CNTNAP2: variants seen among roughly 807,000 people sequenced by gnomAD.
The protein encoded by CNTNAP2 is contactin associated protein 2.
Under a neutral mutation model 155.2 loss-of-function variants are expected in CNTNAP2, and 98 were observed. The observed-to-expected ratio is 0.63, with a 90% CI of 0.54 to 0.75. The LOEUF (loss-of-function observed/expected upper bound fraction) is 0.75, where lower values mean the gene tolerates loss of function less well. CNTNAP2 is among the 30% of genes least tolerant of loss of function. CNTNAP2 has a pLI of 0.00. For missense variants in CNTNAP2, 1,727 were observed against 1,688.1 expected, an observed-to-expected ratio of 1.02 and a Z score of -0.40; for synonymous variants, 651 against 631.2, an observed-to-expected ratio of 1.03 and a Z score of -0.47.
chr7:146,664,345 G>T (rs890294078), intron 1 of CNTNAP2, among the ~76,000 whole-genome samples: 2 of 151,620 alleles, frequency 1.3e-5, no homozygotes, highest in East Asian at 3.9e-4. Flanking sequence ...ATTTTCAGTA[G>T]GGATGGGTTT....
At chr7:147,643,059 G>A (rs1795309342) in intron 13 of CNTNAP2, among the ~76,000 whole-genome samples, 1 of 152,112 alleles carries the variant, frequency 6.6e-6, no homozygotes, top group African/African-American at 2.4e-5. Context: ...CTTGGTTGGG[G>A]CCTCAGAATA....
chr7:146,822,036 G>A (rs1005764402), intron 2 of CNTNAP2, among the ~76,000 whole-genome samples: 4 of 151,914 alleles, frequency 2.6e-5, no homozygotes, highest in South Asian at 2.1e-4. Flanking sequence ...TGTTTATTGC[G>A]GCACTATTCA....
At chr7:147,196,161 G>A (rs374158910) in intron 8 of CNTNAP2, among the ~76,000 whole-genome samples, 3 of 152,128 alleles carry the variant, frequency 2.0e-5, no homozygotes, top group South Asian at 2.1e-4. Context: ...CACCTTGGTC[G>A]CAGACTTCTA....
chr7:147,173,137 T>C (rs1007615534), intron 8 of CNTNAP2, among the ~76,000 whole-genome samples: 2 of 152,208 alleles, frequency 1.3e-5, no homozygotes, highest in Non-Finnish European at 2.9e-5. Flanking sequence ...TGTGTCTTGA[T>C]GGTATTAAAG....
chr7:147,203,413 G>T (rs1027095541), intron 8 of CNTNAP2, among the ~76,000 whole-genome samples: 1 of 151,956 alleles, frequency 6.6e-6, no homozygotes, highest in African/African-American at 2.4e-5. Context: ...CGTATTTTTA[G>T]TAGAGATAGT....
At chr7:146,396,059 A>G (rs1221975567) in intron 1 of CNTNAP2, among the ~76,000 whole-genome samples, 1 of 152,166 alleles carries the variant, frequency 6.6e-6, no homozygotes, top group Non-Finnish European at 1.5e-5. Flanking sequence ...ATCTTCAATT[A>G]TCATACTTTT....
At chr7:146,371,053 TAGA>T (rs1179351923) in intron 1 of CNTNAP2, among the ~76,000 whole-genome samples, 1 of 152,120 alleles carries the variant, frequency 6.6e-6, no homozygotes, top group African/African-American at 2.4e-5. Flanking sequence ...TGAATTATTC[TAGA>T]AGATGTAATA....
chr7:147,543,149 C>A (rs551247182), intron 11 of CNTNAP2, among the ~76,000 whole-genome samples: 1 of 152,292 alleles, frequency 6.6e-6, no homozygotes, highest in South Asian at 2.1e-4. Flanking sequence ...AGCATTGTTT[C>A]TATAGATATT....
At chr7:146,233,209 C>T (rs746957985) in intron 1 of CNTNAP2, among the ~76,000 whole-genome samples, 1 of 151,814 alleles carries the variant, frequency 6.6e-6, no homozygotes, top group Non-Finnish European at 1.5e-5. Flanking sequence ...GAGAATAGAA[C>T]TTAAGATAGG....
At chr7:147,475,020 C>T (rs1315194611) in intron 10 of CNTNAP2, among the ~76,000 whole-genome samples, 1 of 152,138 alleles carries the variant, frequency 6.6e-6, no homozygotes, top group African/African-American at 2.4e-5. Flanking sequence ...GCTTTCTTCC[C>T]CTGGCAATAT....
At chr7:148,208,926 C>A (rs1019733065) in intron 18 of CNTNAP2, among the ~76,000 whole-genome samples, 1 of 152,180 alleles carries the variant, frequency 6.6e-6, no homozygotes, top group Admixed American at 6.5e-5. Flanking sequence ...TTCCCTGTCC[C>A]AGTTTGAAAA....
intron 13 of CNTNAP2, among the ~76,000 whole-genome samples, chr7:147,695,159 C>T (rs1204219044): frequency 2.6e-5 from 4 of 152,154 alleles, no homozygotes; most frequent in Non-Finnish European, 5.9e-5. Context: ...TTCCAACTAT[C>T]TTTCTTTTAT....
At chr7:146,207,392 T>G (rs765990229) in intron 1 of CNTNAP2, among the ~76,000 whole-genome samples, 22 of 152,148 alleles carry the variant, frequency 1.4e-4, no homozygotes, top group Non-Finnish European at 1.8e-4. Flanking sequence ...CCATTCAAGA[T>G]GTACTGAGTT....
At chr7:146,471,114 C>G (rs1054626024) in intron 1 of CNTNAP2, among the ~76,000 whole-genome samples, 4 of 152,084 alleles carry the variant, frequency 2.6e-5, no homozygotes, top group African/African-American at 9.7e-5. Context: ...AAGAGTTAGA[C>G]AAATTTAAGT....
At chr7:146,780,604 G>C (rs962336121) in intron 2 of CNTNAP2, among the ~76,000 whole-genome samples, 1 of 151,926 alleles carries the variant, frequency 6.6e-6, no homozygotes, top group East Asian at 1.9e-4. Flanking sequence ...TAACATGTTT[G>C]TTGGCCGCAA....
chr7:147,307,887 C>A (rs1275545333), intron 9 of CNTNAP2, among the ~76,000 whole-genome samples: 1 of 152,054 alleles, frequency 6.6e-6, no homozygotes. Flanking sequence ...TTTCTGAAAA[C>A]CTGGCATTAT....
chr7:147,861,999 CAAA>C (rs57139075), intron 13 of CNTNAP2, among the ~76,000 whole-genome samples: 125 of 94,950 alleles, frequency 1.3e-3, no homozygotes, highest in Admixed American at 3.0e-3. Flanking sequence ...CTCCATCTCA[CAAA>C]AAAAAAAAAA....
intron 21 of CNTNAP2, among the ~76,000 whole-genome samples, chr7:148,301,033 C>A (rs572032963): frequency 6.6e-6 from 1 of 152,248 alleles, no homozygotes; most frequent in South Asian, 2.1e-4. Flanking sequence ...TGGTGGCTCA[C>A]ACCTGTAATC....
intron 13 of CNTNAP2, among the ~76,000 whole-genome samples, chr7:147,813,635 T>C (rs1798215877): frequency 1.3e-5 from 2 of 152,300 alleles, no homozygotes; most frequent in South Asian, 4.1e-4. Context: ...TATGGTCCAC[T>C]CCCAAGCTCA....
Sources: allele counts gnomAD v4.1 joint callset (sites outside exome capture counted in the v4.1 genomes callset), GRCh38; gene constraint gnomAD v4.1.1; transcripts MANE v1.5; gene names NCBI Gene and HGNC (gene_info 2026-07-23, HGNC 2026-07-21).